The following SRP72 variants were observed in gnomAD, a reference collection of about 807,000 sequenced individuals.
SRP72 encodes the protein signal recognition particle subunit SRP72.
In SRP72, 49 loss-of-function variants were observed where a neutral mutation model predicts 96.3. That is an observed-to-expected ratio of 0.51 (90% CI 0.40 to 0.65). The LOEUF (loss-of-function observed/expected upper bound fraction) is 0.65, where lower values mean the gene tolerates loss of function less well. SRP72 is among the 30% of genes least tolerant of loss of function. The pLI, the probability that SRP72 is intolerant of heterozygous loss-of-function variation, is 0.00. For missense variants in SRP72, 736 were observed against 793.3 expected, an observed-to-expected ratio of 0.93 and a Z score of 0.87; for synonymous variants, 267 against 275.2, an observed-to-expected ratio of 0.97 and a Z score of 0.30.
At chr4:56,478,014 GATATC>G (rs1720313864) in intron 6 of SRP72, among the ~76,000 whole-genome samples, 1 of 152,026 alleles carries the variant, frequency 6.6e-6, no homozygotes, top group Non-Finnish European at 1.5e-5. Context: ...AGAATTTAGG[GATATC>G]ATTATAAAAA....
chr4:56,483,603 T>C (rs1720584952), intron 9 of SRP72, among the ~76,000 whole-genome samples: 1 of 151,530 alleles, frequency 6.6e-6, no homozygotes, highest in African/African-American at 2.4e-5. Context: ...GCACAAGAAT[T>C]GTTTGCAGTG....
intron 5 of SRP72, chr4:56,476,017 T>A (rs1310256144): frequency 6.6e-6 from 1 of 152,376 alleles, no homozygotes; most frequent in Non-Finnish European, 1.5e-5. Flanking sequence ...AATGTAGATC[T>A]ATGTTTATTG....
Position 56,491,546 on chromosome 4 carries a change from G to A in SRP72, c.1618G>A (p.Asp540Asn). Residue 540 changes from aspartate to asparagine, a missense_variant, in exon 16 of 19, where the codon GAT becomes AAT. Asp to Asn is a conservative substitution (Grantham distance 23). Around this residue, in one of 3 missense-constraint regions of SRP72, gnomAD observed 388 missense variants for 431.8 expected, o/e 0.90. Transcript: ENST00000642900. Reference sequence around the variant, plus strand: ...GAAGAAGGGTGGAAAAGTTACTGGAGATAGTCAACCAAAGGAACAAGGGTA... The same window carrying A: ...GAAGAAGGGTGGAAAAGTTACTGGAAATAGTCAACCAAAGGAACAAGGGTA... ...IRKKGGKVTG[D>N]SQPKEQGQGD... 4 of 1,613,848 alleles carry A rather than the reference G, an allele frequency of 2.5e-6. No individual in the cohort carries two copies. Among genetic ancestry groups the A allele is most frequent in the South Asian group, 1.1e-5 (1 of 91,048 alleles).
At chr4:56,478,534 G>A in intron 7 of SRP72, 31 bp downstream of exon 7, 1 of 1,613,028 alleles carries the variant, frequency 6.2e-7, no homozygotes, top group East Asian at 2.2e-5. Flanking sequence ...GTCTTTTATA[G>A]GGGATGGGGT....
chr4:56,483,133 T>C lies in SRP72; in HGVS notation c.826-6T>C. On this transcript the variant is annotated splice_polypyrimidine_tract_variant and splice_region_variant and intron_variant, in intron 8 of 18. Coordinates refer to ENST00000642900, the MANE Select transcript of SRP72 (RefSeq NM_006947.4). Reference sequence around the variant, plus strand: ...TGTTAATGATAGATAAACTTTTCTTTGTTAGGACCAAAATGTCTTTGACTC... The same window carrying C: ...TGTTAATGATAGATAAACTTTTCTTCGTTAGGACCAAAATGTCTTTGACTC... 2 of 1,606,702 alleles carry C rather than the reference T, an allele frequency of 1.2e-6. No individual in the cohort carries two copies. Among genetic ancestry groups the C allele is most frequent in the Non-Finnish European group, 1.7e-6 (2 of 1,178,212 alleles).
At chr4:56,479,396 T>G (rs905474216) in intron 8 of SRP72, among the ~76,000 whole-genome samples, 1 of 152,092 alleles carries the variant, frequency 6.6e-6, no homozygotes, top group Non-Finnish European at 1.5e-5. Flanking sequence ...AGCCAGGATG[T>G]TCTCATTCTC....
intron 8 of SRP72, among the ~76,000 whole-genome samples, chr4:56,481,975 G>T (rs1176258407): frequency 6.6e-6 from 1 of 150,882 alleles, no homozygotes; most frequent in East Asian, 2.0e-4. Flanking sequence ...TGTTGGCCAG[G>T]CTGGTCCCGA....
At chr4:56,480,619 T>TA (rs1325255291) in intron 8 of SRP72, among the ~76,000 whole-genome samples, 1 of 152,208 alleles carries the variant, frequency 6.6e-6, no homozygotes, top group Non-Finnish European at 1.5e-5. Context: ...TGTGAGATAC[T>TA]AAATATCTCA....
At chr4:56,469,103 G>A (rs184043831) in intron 1 of SRP72, among the ~76,000 whole-genome samples, 57 of 152,230 alleles carry the variant, frequency 3.7e-4, no homozygotes, top group Admixed American at 1.4e-3. Flanking sequence ...TACTTTATAA[G>A]ATTTTTCCAA....
At chr4:56,469,821 A>G (rs372394654) in intron 2 of SRP72, 48 bp downstream of exon 2, 25 of 1,518,294 alleles carry the variant, frequency 1.6e-5, no homozygotes, top group African/African-American at 2.7e-5. Flanking sequence ...AACACTTACT[A>G]TAGCTATAAT....
Position 56,474,074 on chromosome 4 carries a change from T to C in SRP72, c.375T>C (p.Tyr125=). ...TTCAGTTATACCGTTTGGAACGCTA[T>C]GATGAATGCTTAGCAGTGTATAGAG... is the stretch of plus-strand genomic sequence containing the variant. The part of the protein sequence containing the change: ...YGQVLYRLER[Y]DECLAVYRDL... Residue 125 remains tyrosine, a synonymous_variant, in exon 4 of 19, where the codon TAT becomes TAC. Coordinates refer to ENST00000642900, the MANE Select transcript of SRP72 (RefSeq NM_006947.4). The C allele has an allele frequency of 6.2e-7, 1 of 1,613,898 alleles. No individual in the cohort carries two copies. The highest frequency in any genetic ancestry group is 8.5e-7 in the Non-Finnish European group (1 of 1,179,966).
At chr4:56,467,836 CG>C (rs1395748365) in intron 1 of SRP72, 92 bp downstream of exon 1, 2 of 1,230,638 alleles carry the variant, frequency 1.6e-6, no homozygotes, top group East Asian at 6.4e-5. Context: ...GCGGGAGGCA[CG>C]GGAAGGGGAG....
intron 6 of SRP72, 31 bp from the exon 7 acceptor site, chr4:56,478,348 T>C (rs763822322): frequency 1.9e-6 from 3 of 1,539,852 alleles, no homozygotes; most frequent in Admixed American, 4.3e-5. Flanking sequence ...GTTTGGAAAA[T>C]TTATATGGGA....
chr4:56,488,571 A>G (rs1720799426), intron 12 of SRP72, among the ~76,000 whole-genome samples: 2 of 152,206 alleles, frequency 1.3e-5, no homozygotes, highest in South Asian at 4.1e-4. Context: ...TTCATATTTT[A>G]AGGATCGTGC....
chr4:56,501,355 A>G lies in SRP72; in HGVS notation c.1839-329A>G, dbSNP rs568873960. On this transcript the variant is annotated intron_variant, in intron 18 of 18. Coordinates refer to ENST00000642900, the MANE Select transcript of SRP72 (RefSeq NM_006947.4). ...CCCAGAAGGATCACGTGAACCCAGG[A>G]GGTGGATGGAGGTTGCAGTGAGCTG... 2.6e-4 allele frequency among the ~76,000 whole-genome samples: 39 copies of G among 152,224 alleles called. No individual in the cohort carries two copies. In the East Asian group the frequency reaches 7.3e-3, roughly 29 times the overall value.
At chr4:56,485,571 C>G (rs952929528) in intron 10 of SRP72, among the ~76,000 whole-genome samples, 1 of 152,058 alleles carries the variant, frequency 6.6e-6, no homozygotes, top group African/African-American at 2.4e-5. Flanking sequence ...GAGGCCCAAT[C>G]AGGCAGATCA....
At chr4:56,498,571 A>C (rs1721157379) in intron 17 of SRP72, among the ~76,000 whole-genome samples, 1 of 152,354 alleles carries the variant, frequency 6.6e-6, no homozygotes, top group African/African-American at 2.4e-5. Flanking sequence ...ACTTCAGCAA[A>C]GTCTCAGGAC....
In SRP72 at chr4:56,478,454, G is replaced by T. The variant is rs1415118456; in HGVS notation, c.718G>T (p.Gly240Cys). The change falls in exon 7 of 19, where the codon GGT (glycine) becomes TGT (cysteine). Residue 240 changes from glycine to cysteine, a missense_variant. Around this residue, in one of 3 missense-constraint regions of SRP72, gnomAD observed 329 missense variants for 319.0 expected, o/e 1.03. Coordinates refer to ENST00000642900, the MANE Select transcript of SRP72 (RefSeq NM_006947.4). ...GQMAYILQLQGRTEEALQLYN... is the reference protein window; with the variant it reads ...GQMAYILQLQCRTEEALQLYN... ...GATGGCTTATATTCTGCAGCTTCAG[G>T]GTCGAACAGAGGAGGCTTTGCAACT... 1.2e-6 allele frequency: 2 copies of T among 1,613,700 alleles called. No individual in the cohort carries two copies. The highest frequency in any genetic ancestry group is 1.7e-6 in the Non-Finnish European group (2 of 1,179,960).
At chr4:56,475,990 A>C (rs1720204488) in intron 5 of SRP72, 1 of 152,320 alleles carries the variant, frequency 6.6e-6, no homozygotes, top group Non-Finnish European at 1.5e-5. Context: ...AACCAATAAC[A>C]TTAAAAAAGA....
Sources: allele counts gnomAD v4.1 joint callset (sites outside exome capture counted in the v4.1 genomes callset), GRCh38; gene constraint gnomAD v4.1.1; regional missense constraint gnomAD v4.1.1; transcripts MANE v1.5; gene names NCBI Gene and HGNC (gene_info 2026-07-23, HGNC 2026-07-21).